ACER2: variants seen among roughly 807,000 people sequenced by gnomAD.
The protein encoded by ACER2 is alkCDase 2.
ACER2 carries 26 observed loss-of-function variants against 34.7 expected under a neutral mutation model. The observed-to-expected ratio is 0.75, with a 90% CI of 0.55 to 1.04. The LOEUF is 1.04. ACER2 is among the 50% of genes least tolerant of loss of function. The probability of loss-of-function intolerance (pLI) is 0.00; values close to 1 mark genes in which losing one functional copy is unlikely to be tolerated. For synonymous variants in ACER2, 138 were observed against 132.1 expected (o/e 1.04, Z -0.31); for missense variants, 352 against 340.8 (o/e 1.03, Z -0.26).
intron 1 of ACER2, among the ~76,000 whole-genome samples, chr9:19,413,758 A>G (rs970425438): frequency 2.6e-5 from 4 of 152,302 alleles, no homozygotes; most frequent in Admixed American, 2.6e-4. Flanking sequence ...CTGATCGCTG[A>G]AAAGAATCTT....
chr9:19,410,302 T>C (rs1246706174), intron 1 of ACER2, among the ~76,000 whole-genome samples: 2 of 152,232 alleles, frequency 1.3e-5, no homozygotes, highest in African/African-American at 2.4e-5. Context: ...ATTTCTGGCA[T>C]GGCTGGGGCC....
At chr9:19,445,170 C>T (rs1003789668) in intron 4 of ACER2, among the ~76,000 whole-genome samples, 1 of 152,232 alleles carries the variant, frequency 6.6e-6, no homozygotes, top group Non-Finnish European at 1.5e-5. Context: ...GTGTTCGTCC[C>T]CAGGGGTAGA....
intron 1 of ACER2, among the ~76,000 whole-genome samples, chr9:19,412,978 G>A (rs1352476266): frequency 1.3e-5 from 2 of 152,184 alleles, no homozygotes; most frequent in African/African-American, 2.4e-5. Flanking sequence ...GCATCTGGAT[G>A]TACTTTCGCA....
At chr9:19,431,037 G>A (rs1830739442) in intron 3 of ACER2, among the ~76,000 whole-genome samples, 1 of 151,682 alleles carries the variant, frequency 6.6e-6, no homozygotes, top group Non-Finnish European at 1.5e-5. Flanking sequence ...CAAGCTTACT[G>A]CCTTTAAACC....
In ACER2 at chr9:19,423,893, C is replaced by T; in HGVS notation, c.140C>T (p.Pro47Leu). The T allele has an allele frequency of 6.2e-7, 1 of 1,613,986 alleles. No homozygotes were observed. Among genetic ancestry groups the T allele is most frequent in the South Asian group, 1.1e-5 (1 of 91,080 alleles). The stretch of plus-strand genomic sequence containing the variant: ...AATGTCTTATTTTTCATTTTACCGC[C>T]CATCTGCATGTGCTTGTTTCGTCAG... ...ISNVLFFILP[P>L]ICMCLFRQYA... The change falls in exon 2 of 6, where the codon CCC becomes CTC. Residue 47 changes from proline (P) to leucine (L), a missense_variant. Pro to Leu is a moderately conservative substitution (Grantham distance 98). Transcript: ENST00000340967.
chr9:19,432,717 AATAT>A (rs1830796903), intron 3 of ACER2, among the ~76,000 whole-genome samples: 1 of 147,906 alleles, frequency 6.8e-6, no homozygotes, highest in Non-Finnish European at 1.5e-5. Context: ...TAAAATATAT[AATAT>A]ATATTCTTTA....
At chr9:19,426,162 T>C (rs1321869893) in intron 3 of ACER2, among the ~76,000 whole-genome samples, 1 of 152,084 alleles carries the variant, frequency 6.6e-6, no homozygotes, top group Non-Finnish European at 1.5e-5. Context: ...TTGGCTGTTC[T>C]TGGGCATTGC....
chr9:19,415,085 G>A (rs376938964), intron 1 of ACER2, among the ~76,000 whole-genome samples: 3 of 152,200 alleles, frequency 2.0e-5, no homozygotes, highest in East Asian at 3.9e-4. Flanking sequence ...TACAGTGGGG[G>A]CCAGCCAGCC....
At chr9:19,438,749 G>A (rs1179025439) in intron 4 of ACER2, among the ~76,000 whole-genome samples, 3 of 152,104 alleles carry the variant, frequency 2.0e-5, no homozygotes, top group Non-Finnish European at 2.9e-5. Context: ...TTATAATTTT[G>A]TTATAAGAAA....
chr9:19,412,160 C>T (rs376236298), intron 1 of ACER2, among the ~76,000 whole-genome samples: 1 of 152,068 alleles, frequency 6.6e-6, no homozygotes, highest in African/African-American at 2.4e-5. Context: ...CATTTTATCT[C>T]TAGGATAAAA....
intron 1 of ACER2, among the ~76,000 whole-genome samples, chr9:19,419,985 C>G (rs570179655): frequency 2.6e-5 from 4 of 152,248 alleles, no homozygotes; most frequent in African/African-American, 7.2e-5. Context: ...TCATGCTTAC[C>G]CGCTCTCCTC....
At chr9:19,442,658 A>G (rs944587800) in intron 4 of ACER2, among the ~76,000 whole-genome samples, 1 of 152,206 alleles carries the variant, frequency 6.6e-6, no homozygotes, top group African/African-American at 2.4e-5. Flanking sequence ...CCTTAAGCCA[A>G]ACTTTCTAGG....
chr9:19,441,343 C>A (rs1447815118), intron 4 of ACER2, among the ~76,000 whole-genome samples: 4 of 152,152 alleles, frequency 2.6e-5, no homozygotes, highest in African/African-American at 7.2e-5. Context: ...GCCACATGCC[C>A]AGCCCTGAGC....
intron 1 of ACER2, among the ~76,000 whole-genome samples, chr9:19,416,709 TTTTA>T (rs1830251321): frequency 6.6e-6 from 1 of 150,810 alleles, no homozygotes; most frequent in African/African-American, 2.4e-5. Context: ...TTTTTTGTAC[TTTTA>T]GTAGAGACAG....
At chr9:19,433,504 A>G (rs2132500800) in intron 3 of ACER2, among the ~76,000 whole-genome samples, 1 of 152,154 alleles carries the variant, frequency 6.6e-6, no homozygotes, top group South Asian at 2.1e-4. Flanking sequence ...CCCAAGGCAG[A>G]AGAATTTTTC....
intron 3 of ACER2, 30 bp downstream of exon 3, chr9:19,424,871 A>G: frequency 6.2e-7 from 1 of 1,613,778 alleles, no homozygotes; most frequent in Non-Finnish European, 8.5e-7. Flanking sequence ...TATTGCATTT[A>G]CCACTAGGTG....
At chr9:19,422,301 AG>A (rs1217261294) in intron 1 of ACER2, among the ~76,000 whole-genome samples, 1 of 151,482 alleles carries the variant, frequency 6.6e-6, no homozygotes. Context: ...CCTGTCTCTA[AG>A]AAAAAAAAAA....
At chr9:19,418,518 CAA>C (rs951093032) in intron 1 of ACER2, among the ~76,000 whole-genome samples, 3 of 151,506 alleles carry the variant, frequency 2.0e-5, no homozygotes, top group Non-Finnish European at 4.4e-5. Flanking sequence ...TATGCAGCCA[CAA>C]AAAAGGATGA....
intron 4 of ACER2, among the ~76,000 whole-genome samples, chr9:19,436,382 C>A (rs1830976193): frequency 6.6e-6 from 1 of 152,166 alleles, no homozygotes; most frequent in African/African-American, 2.4e-5. Context: ...AAAAAGAAAT[C>A]TGTCACTTAT....
Sources: gnomAD v4.1 joint callset for allele counts (sites outside exome capture counted in the v4.1 genomes callset) on GRCh38, gnomAD v4.1.1 for gene constraint, MANE v1.5 for transcripts, NCBI Gene and HGNC (gene_info 2026-07-23, HGNC 2026-07-21) for gene names.